The following PRLR variants were observed in gnomAD, a reference collection of about 807,000 sequenced individuals.
PRLR encodes the protein hPRL receptor.
PRLR carries 13 observed loss-of-function variants against 40.2 expected under a neutral mutation model. The observed-to-expected ratio is 0.32, with a 90% CI of 0.21 to 0.51. PRLR has a LOEUF of 0.51. Ranked by LOEUF, PRLR falls within the 20% of genes least tolerant of loss-of-function variation. The pLI is 0.97. For missense variants in PRLR, 656 were observed against 747.3 expected, an observed-to-expected ratio of 0.88 and a Z score of 1.42; for synonymous variants, 269 against 278.7, an observed-to-expected ratio of 0.97 and a Z score of 0.35.
chr5:35,072,966 T>G (rs545126313), intron 5 of PRLR, among the ~76,000 whole-genome samples: 1 of 152,314 alleles, frequency 6.6e-6, no homozygotes, highest in South Asian at 2.1e-4. Context: ...AATAAGCAGC[T>G]GGTATTTCAT....
At chr5:35,106,777 G>C (rs1434360992) in intron 2 of PRLR, among the ~76,000 whole-genome samples, 1 of 152,092 alleles carries the variant, frequency 6.6e-6, no homozygotes, top group Non-Finnish European at 1.5e-5. Flanking sequence ...AATAATAATG[G>C]GGGACTTTAA....
chr5:35,065,949 C>G lies in PRLR; in HGVS notation c.1009G>C (p.Gly337Arg). 1 of 1,614,154 alleles carries G rather than the reference C, an allele frequency of 6.2e-7. No individual in the cohort carries two copies. The highest frequency in any genetic ancestry group is 8.5e-7 in the Non-Finnish European group (1 of 1,180,020). ...GGATCCAGGTATGTGGGTTTCATAC[C>G]TTGACTTGGGTGTTCTTTTGAATGG... ...SVHSKEHPSQ[G>R]MKPTYLDPDT... The change falls in exon 10 of 10, where the codon GGT becomes CGT. Residue 337 changes from glycine to arginine, a missense_variant. Around this residue, in one of 3 missense-constraint regions of PRLR, gnomAD observed 469 missense variants for 491.5 expected, o/e 0.95. Transcript: ENST00000618457.
chr5:35,049,472 C>T (rs1026245801), intron 8 of PRLR: 3 of 667,584 alleles, frequency 4.5e-6, no homozygotes, highest in African/African-American at 1.8e-5. Flanking sequence ...GGAGGTTATA[C>T]CTCTTTTATT....
At chr5:35,080,497 A>G (rs1215941048) in intron 5 of PRLR, among the ~76,000 whole-genome samples, 1 of 152,190 alleles carries the variant, frequency 6.6e-6, no homozygotes, top group African/African-American at 2.4e-5. Flanking sequence ...ATGAGATATC[A>G]TCTCACACCA....
chr5:35,086,832 C>T (rs559559174), intron 3 of PRLR, among the ~76,000 whole-genome samples: 165 of 152,176 alleles, frequency 1.1e-3, no homozygotes, highest in Admixed American at 2.0e-3. Flanking sequence ...TGGCACTTCT[C>T]CACTCAGCTC....
At chr5:35,107,646 G>T (rs549085458) in intron 2 of PRLR, among the ~76,000 whole-genome samples, 21 of 152,216 alleles carry the variant, frequency 1.4e-4, no homozygotes, top group African/African-American at 5.1e-4. Flanking sequence ...TAAATTCCTG[G>T]TAACACACAC....
chr5:35,147,898 G>A (rs147669895), intron 1 of PRLR, among the ~76,000 whole-genome samples: 7 of 152,126 alleles, frequency 4.6e-5, no homozygotes, highest in Admixed American at 1.3e-4. Context: ...TAGACGTGTC[G>A]GTGGATTCAC....
At chr5:35,075,072 G>C (rs1769991586) in intron 5 of PRLR, among the ~76,000 whole-genome samples, 2 of 152,164 alleles carry the variant, frequency 1.3e-5, no homozygotes, top group Admixed American at 1.3e-4. Flanking sequence ...TCCGTGGTCT[G>C]GTTCCAAGAT....
chr5:35,199,857 TA>T (rs1775833701), intron 1 of PRLR, among the ~76,000 whole-genome samples: 1 of 152,188 alleles, frequency 6.6e-6, no homozygotes, highest in African/African-American at 2.4e-5. Context: ...TTATCACAAC[TA>T]AATAGAAACT....
intron 1 of PRLR, among the ~76,000 whole-genome samples, chr5:35,184,435 T>C (rs1461106881): frequency 1.3e-5 from 2 of 151,976 alleles, no homozygotes; most frequent in Non-Finnish European, 2.9e-5. Flanking sequence ...AATTGCTTGA[T>C]CCCGGGAGGA....
chr5:35,167,034 C>A (rs148642229), intron 1 of PRLR, among the ~76,000 whole-genome samples: 142 of 152,168 alleles, frequency 9.3e-4, no homozygotes, highest in African/African-American at 3.2e-3. Context: ...CAATTCTATA[C>A]AAACTTTTTC....
At chr5:35,052,139 G>T (rs955234509), downstream of PRLR, among the ~76,000 whole-genome samples, 1 of 151,940 alleles carries the variant, frequency 6.6e-6, no homozygotes, top group African/African-American at 2.4e-5. Flanking sequence ...CTCCAAAAAC[G>T]ATATCTTAAG....
intron 1 of PRLR, among the ~76,000 whole-genome samples, chr5:35,165,594 A>C (rs1774799748): frequency 6.6e-6 from 1 of 152,174 alleles, no homozygotes; most frequent in Admixed American, 6.5e-5. Context: ...TTAGGTCATA[A>C]ACAAATAATG....
rs759517765 is a variant in PRLR, at chr5:35,065,778, G to A, written c.1180C>T (p.Pro394Ser). The A allele has an allele frequency of 2.5e-6, 4 of 1,614,102 alleles. No individual in the cohort carries two copies. The highest frequency in any genetic ancestry group is 2.5e-6 in the Non-Finnish European group (3 of 1,180,018). ...TTGCCTTCCATGCTTATGCACTGGG[G>A]GTCCCAGGTGTGGGTTGTTTCAGGA... is the stretch of plus-strand genomic sequence containing the variant. Reference protein sequence around the residue: ...ENPETTHTWDPQCISMEGKIP... With the variant: ...ENPETTHTWDSQCISMEGKIP... The change falls in exon 10 of 10, where the codon CCC becomes TCC. Residue 394 changes from proline to serine, a missense_variant. Coordinates refer to ENST00000618457, the MANE Select transcript of PRLR (RefSeq NM_000949.7).
At chr5:35,078,297 A>T (rs1421345575) in intron 5 of PRLR, among the ~76,000 whole-genome samples, 2 of 152,182 alleles carry the variant, frequency 1.3e-5, no homozygotes, top group Admixed American at 6.5e-5. Context: ...CAAAATTAAT[A>T]GACCACTAGC....
At position 35,056,977 on chromosome 5, in the gene PRLR, G is replaced by A. The variant is rs1012398996; in HGVS notation, c.*8112C>T. 1 of 152,072 alleles carries A rather than the reference G, an allele frequency of 6.6e-6. No individual in the cohort carries two copies. 9.4% of individuals were successfully genotyped at this position (152,072 alleles called of 1,614,324 possible). ...ATGAACAGTAAGTGAAACTTTCTAG[G>A]TTTAGATCCATTAAAAGATTATCCA... On this transcript the variant is annotated 3_prime_UTR_variant, in exon 10 of 10. Transcript: ENST00000618457.
chr5:35,144,902 A>G (rs936189405), intron 1 of PRLR, among the ~76,000 whole-genome samples: 2 of 152,200 alleles, frequency 1.3e-5, no homozygotes, highest in Non-Finnish European at 2.9e-5. Flanking sequence ...TTTGATTTGC[A>G]GCATTTAGAA....
chr5:35,145,822 T>A (rs1774168768), intron 1 of PRLR, among the ~76,000 whole-genome samples: 1 of 152,208 alleles, frequency 6.6e-6, no homozygotes, highest in Non-Finnish European at 1.5e-5. Context: ...TAAAACTGCA[T>A]ACAAAATAGT....
At chr5:35,155,621 A>G (rs184946964) in intron 1 of PRLR, among the ~76,000 whole-genome samples, 3 of 152,340 alleles carry the variant, frequency 2.0e-5, no homozygotes, top group Non-Finnish European at 2.9e-5. Context: ...GCCATTTCAC[A>G]GTTGATGAAA....
Sources: gnomAD v4.1 joint callset for allele counts (sites outside exome capture counted in the v4.1 genomes callset) on GRCh38, gnomAD v4.1.1 for gene constraint, gnomAD v4.1.1 regional missense constraint, MANE v1.5 for transcripts, NCBI Gene and HGNC (gene_info 2026-07-23, HGNC 2026-07-21) for gene names.